Variants in CELF1 observed in about 807,000 individuals in gnomAD.
CELF1 encodes the protein CUGBP Elav-like family member 1.
Under a neutral mutation model 61.8 loss-of-function variants are expected in CELF1, and 10 were observed. The observed-to-expected ratio is 0.16, with a 90% CI of 0.10 to 0.27. CELF1 has a LOEUF of 0.27. CELF1 is among the 10% of genes least tolerant of loss of function. CELF1 has a pLI of 1.00. For missense variants in CELF1, 380 were observed against 639.1 expected (o/e 0.59, Z 4.37); for synonymous variants, 236 against 225.1 (o/e 1.05, Z -0.43).
intron 3 of CELF1, among the ~76,000 whole-genome samples, chr11:47,496,468 T>C (rs2093114111): frequency 6.6e-6 from 1 of 152,210 alleles, no homozygotes; most frequent in South Asian, 2.1e-4. Context: ...ATATGTGCCC[T>C]TGAGGCAATG....
At chr11:47,502,510 G>C (rs1192155415) in intron 1 of CELF1, among the ~76,000 whole-genome samples, 1 of 152,032 alleles carries the variant, frequency 6.6e-6, no homozygotes. Context: ...CCGTGTGTGC[G>C]TGTGTGTGTA....
rs200185749 is a variant in CELF1 at position 47,533,807 on chromosome 11, CCCA to C, written c.-154+19182_-154+19184del. ...CCTGGGCAATAGAGCGAGACTCTCC[CCCA>C]AAAAAAAAAAAAAAAAAAAAAGGAA... On this transcript the variant is annotated intron_variant, in intron 1 of 14. Transcript: ENST00000687097. Among the ~76,000 whole-genome samples, 117 of 67,608 alleles carry C rather than the reference CCCA, an allele frequency of 1.7e-3. 2 individuals carry two copies. The highest frequency in any genetic ancestry group is 5.9e-3 in the African/African-American group (111 of 18,844). 44.4% of individuals were successfully genotyped at this position (67,608 alleles called of 152,430 possible). A position where few individuals can be genotyped will look rare whatever the true frequency, so the allele number is the denominator to read the frequency against.
In CELF1 at chr11:47,476,955, C is replaced by A; in HGVS notation, c.978G>T (p.Gly326=). Residue 326 remains glycine, a synonymous_variant, in exon 12 of 15, where the codon GGG becomes GGT. Coordinates refer to ENST00000687097, the MANE Select transcript of CELF1 (RefSeq NM_001376376.1). ...TACTGCTGCTAGAGCTAGGTGAGGA[C>A]CCTGCTATTAGAAAGCAAGGAGTTA... The part of the protein sequence containing the change: ...SPLSVLTSSA[G]SSPSSSSSNS... 1 of 1,613,206 alleles carries A rather than the reference C, an allele frequency of 6.2e-7. No individual in the cohort carries two copies. The highest frequency in any genetic ancestry group is 8.5e-7 in the Non-Finnish European group (1 of 1,179,200).
rs78242534 is a variant in CELF1 at position 47,551,176 on chromosome 11, T to C, written c.-154+1816A>G. 1.2e-4 allele frequency among the ~76,000 whole-genome samples: 18 copies of C among 152,198 alleles called. No individual in the cohort carries two copies. In the East Asian group the frequency reaches 3.1e-3, roughly 26 times the overall value. On this transcript the variant is annotated intron_variant, in intron 1 of 14. Transcript: ENST00000687097. ...GCCCCTCTTGCTACCAGATCTTAAG[T>C]CTAGATAGCACAATCTCTAAAGAAA...
chr11:47,511,065 T>C (rs890330395), intron 1 of CELF1, among the ~76,000 whole-genome samples: 4 of 151,978 alleles, frequency 2.6e-5, no homozygotes, highest in Middle Eastern at 3.4e-3. Context: ...CATGTGTCTG[T>C]AGTCCCAGCT....
chr11:47,493,425 T>C (rs1019347057), intron 3 of CELF1, among the ~76,000 whole-genome samples: 3 of 149,506 alleles, frequency 2.0e-5, no homozygotes, highest in South Asian at 2.1e-4. Flanking sequence ...GGAGAATCAC[T>C]TGAACCCGGG....
chr11:47,543,212 T>A (rs2096853728), intron 1 of CELF1, among the ~76,000 whole-genome samples: 1 of 152,084 alleles, frequency 6.6e-6, no homozygotes, highest in African/African-American at 2.4e-5. Flanking sequence ...AAGACCAGCC[T>A]GGGAAACATA....
At chr11:47,533,429 C>G (rs537132832) in intron 1 of CELF1, among the ~76,000 whole-genome samples, 1 of 152,242 alleles carries the variant, frequency 6.6e-6, no homozygotes, top group South Asian at 2.1e-4. Flanking sequence ...CACGACCAGC[C>G]TGGGCAACAT....
intron 1 of CELF1, among the ~76,000 whole-genome samples, chr11:47,511,886 T>TCC: frequency 6.6e-6 from 1 of 152,138 alleles, no homozygotes; most frequent in Non-Finnish European, 1.5e-5. Context: ...TCTCTCTCTC[T>TCC]TTTCCAGGCT....
chr11:47,540,340 C>G (rs1247993863), intron 1 of CELF1, among the ~76,000 whole-genome samples: 1 of 152,170 alleles, frequency 6.6e-6, no homozygotes, highest in African/African-American at 2.4e-5. Context: ...TCCTCTTGCT[C>G]TAGCCATCTA....
At chr11:47,523,127 A>G (rs2096042805) in intron 1 of CELF1, 2 of 152,204 alleles carry the variant, frequency 1.3e-5, no homozygotes, top group Non-Finnish European at 2.9e-5. Flanking sequence ...AAGCTTTCAA[A>G]ATGGACACAC....
intron 3 of CELF1, among the ~76,000 whole-genome samples, chr11:47,491,050 T>C (rs2153490495): frequency 6.6e-6 from 1 of 151,818 alleles, no homozygotes; most frequent in South Asian, 2.1e-4. Context: ...TTAGTAGAGA[T>C]GGGGCTTTGC....
chr11:47,552,525 C>A (rs2097166636), intron 1 of CELF1, among the ~76,000 whole-genome samples: 1 of 152,202 alleles, frequency 6.6e-6, no homozygotes. Flanking sequence ...AAAAGCGCTG[C>A]CTTCTAGGGG....
chr11:47,466,328 G>C lies in CELF1; in HGVS notation c.*5902C>G, dbSNP rs1410963122. The C allele has an allele frequency of 6.6e-6, 1 of 152,178 alleles. No homozygotes were observed. The highest frequency in any genetic ancestry group is 2.4e-5 in the African/African-American group (1 of 41,442). The allele number at this position is 152,178 out of a possible 1,614,324, so 9.4% of individuals were successfully genotyped here. ...AAAGGAAAAGCTCAAACAAGATAAA[G>C]GAAAAGCATTTCTACGGCTGAATCA... is the stretch of plus-strand genomic sequence containing the variant. On this transcript the variant is annotated 3_prime_UTR_variant, in exon 15 of 15. Transcript: ENST00000687097.
intron 3 of CELF1, among the ~76,000 whole-genome samples, chr11:47,495,143 T>C (rs1426637497): frequency 6.6e-6 from 1 of 152,208 alleles, no homozygotes; most frequent in Non-Finnish European, 1.5e-5. Context: ...AGGCAGTTAG[T>C]AGTGAAGTCA....
At chr11:47,564,109 A>T (rs1470416586) in intron 2 of CELF1, among the ~76,000 whole-genome samples, 1 of 143,976 alleles carries the variant, frequency 6.9e-6, no homozygotes, top group Non-Finnish European at 1.5e-5. Flanking sequence ...GCAGATCACC[A>T]TAGGTCAGGA....
chr11:47,561,221 G>A (rs1460003675), intron 2 of CELF1, among the ~76,000 whole-genome samples: 2 of 150,532 alleles, frequency 1.3e-5, no homozygotes, highest in Non-Finnish European at 3.0e-5. Flanking sequence ...GAGACAGGTG[G>A]ATCACGAGGT....
chr11:47,551,061 T>G (rs927748821), intron 1 of CELF1, among the ~76,000 whole-genome samples: 1 of 152,030 alleles, frequency 6.6e-6, no homozygotes, highest in Non-Finnish European at 1.5e-5. Flanking sequence ...AAACATAACC[T>G]TGGGCAAGTA....
intron 1 of CELF1, among the ~76,000 whole-genome samples, chr11:47,551,364 G>C (rs2097133179): frequency 6.6e-6 from 1 of 152,172 alleles, no homozygotes; most frequent in African/African-American, 2.4e-5. Context: ...ACAACTGAAA[G>C]CTCCAGCTTT....
Sources: allele counts gnomAD v4.1 joint callset (sites outside exome capture counted in the v4.1 genomes callset), GRCh38; gene constraint gnomAD v4.1.1; transcripts MANE v1.5; gene names NCBI Gene and HGNC (gene_info 2026-07-23, HGNC 2026-07-21).